Variants in DSCAML1 observed in about 807,000 individuals in gnomAD.
DSCAML1 encodes cell adhesion molecule DSCAML1.
DSCAML1 carries 38 observed loss-of-function variants against 200.5 expected under a neutral mutation model. That is an observed-to-expected ratio of 0.19 (90% CI 0.15 to 0.25). The LOEUF is 0.25. DSCAML1 is among the 10% of genes least tolerant of loss of function. The probability of loss-of-function intolerance (pLI) is 1.00; values close to 1 mark genes in which losing one functional copy is unlikely to be tolerated. For missense variants in DSCAML1, 2,223 were observed against 2,858.8 expected, an observed-to-expected ratio of 0.78 and a Z score of 5.07; for synonymous variants, 1,215 against 1,165.0, an observed-to-expected ratio of 1.04 and a Z score of -0.87.
chr11:117,695,079 G>A (rs138159885), intron 3 of DSCAML1, among the ~76,000 whole-genome samples: 1,574 of 152,194 alleles, frequency 0.01, 14 homozygotes, highest in Middle Eastern at 0.031. Context: ...GACAACAGAA[G>A]CAACACAATA....
intron 1 of DSCAML1, among the ~76,000 whole-genome samples, chr11:117,784,006 C>G (rs1350253417): frequency 6.6e-6 from 1 of 152,164 alleles, no homozygotes; most frequent in Non-Finnish European, 1.5e-5. Context: ...TTGCTGGAGC[C>G]AAGGACACAA....
At chr11:117,541,920 G>A (rs1191537189) in intron 3 of DSCAML1, among the ~76,000 whole-genome samples, 2 of 152,190 alleles carry the variant, frequency 1.3e-5, no homozygotes, top group African/African-American at 2.4e-5. Flanking sequence ...CCCCCAGCCC[G>A]AAGAGGGACT....
chr11:117,623,216 CT>C (rs56343852), intron 3 of DSCAML1, among the ~76,000 whole-genome samples: 13,503 of 120,692 alleles, frequency 0.11, 333 homozygotes, highest in African/African-American at 0.13. Context: ...CTTTTCTTTT[CT>C]TTTTTTTTTT....
intron 3 of DSCAML1, among the ~76,000 whole-genome samples, chr11:117,728,040 T>G (rs1455150730): frequency 2.0e-5 from 3 of 152,218 alleles, no homozygotes; most frequent in Non-Finnish European, 4.4e-5. Flanking sequence ...TGCTTAATAC[T>G]AGCAAACTGA....
At chr11:117,799,671 CAGG>C (rs1474931926), upstream of DSCAML1, among the ~76,000 whole-genome samples, 3 of 152,186 alleles carry the variant, frequency 2.0e-5, no homozygotes, top group African/African-American at 4.8e-5. Context: ...TTGGAAACAG[CAGG>C]AGATGAGTCC....
chr11:117,481,021 G>A (rs2048904568), intron 13 of DSCAML1, among the ~76,000 whole-genome samples, 153 bp downstream of exon 13: 1 of 152,206 alleles, frequency 6.6e-6, no homozygotes, highest in Non-Finnish European at 1.5e-5. Flanking sequence ...CTGGGCAGGA[G>A]GGCAGGTGGA....
chr11:117,662,132 T>C (rs1485098934), intron 3 of DSCAML1, among the ~76,000 whole-genome samples: 1 of 152,160 alleles, frequency 6.6e-6, no homozygotes, highest in Non-Finnish European at 1.5e-5. Flanking sequence ...CTGGTCTGTA[T>C]CCAGAAAAAG....
intron 3 of DSCAML1, among the ~76,000 whole-genome samples, chr11:117,597,257 A>G (rs958668941): frequency 3.9e-5 from 6 of 152,184 alleles, no homozygotes; most frequent in African/African-American, 1.4e-4. Context: ...AATCACTAAG[A>G]CAGGAACTGG....
chr11:117,776,187 C>T (rs143520540), intron 3 of DSCAML1, among the ~76,000 whole-genome samples: 1,597 of 152,268 alleles, frequency 0.01, 26 homozygotes, highest in South Asian at 0.037. Flanking sequence ...CTCACAATCA[C>T]GGCAGCTGTG....
intron 3 of DSCAML1, among the ~76,000 whole-genome samples, chr11:117,705,923 G>A (rs529961686): frequency 9.1e-4 from 138 of 152,284 alleles, no homozygotes; most frequent in African/African-American, 3.0e-3. Context: ...CTTGTCCAGC[G>A]CCCTGGGTAG....
intron 3 of DSCAML1, among the ~76,000 whole-genome samples, chr11:117,640,317 C>T (rs1045693266): frequency 4.6e-5 from 7 of 152,208 alleles, no homozygotes; most frequent in Admixed American, 2.0e-4. Flanking sequence ...ATCCTCATGA[C>T]GTGCTGGGAG....
chr11:117,710,438 G>C (rs1166352721), intron 3 of DSCAML1, among the ~76,000 whole-genome samples: 1 of 152,198 alleles, frequency 6.6e-6, no homozygotes, highest in Non-Finnish European at 1.5e-5. Context: ...TATGGACAGT[G>C]GGAAGGAGCT....
chr11:117,468,280 T>C (rs946441766), intron 16 of DSCAML1, among the ~76,000 whole-genome samples: 1 of 150,558 alleles, frequency 6.6e-6, no homozygotes, highest in Non-Finnish European at 1.5e-5. Context: ...TGAATCTTTA[T>C]TTTTCATTAA....
intron 3 of DSCAML1, among the ~76,000 whole-genome samples, 162 bp downstream of exon 3, chr11:117,776,629 T>G (rs1265144238): frequency 7.0e-6 from 1 of 142,594 alleles, no homozygotes; most frequent in African/African-American, 2.5e-5. Flanking sequence ...GACCAAAGAC[T>G]TTTTTTTTTT....
At chr11:117,562,427 T>C (rs2050680228) in intron 3 of DSCAML1, among the ~76,000 whole-genome samples, 1 of 152,232 alleles carries the variant, frequency 6.6e-6, no homozygotes, top group Admixed American at 6.5e-5. Flanking sequence ...CAGATCCCCT[T>C]GGAATCATTT....
chr11:117,776,745 AC>A (rs1188037258), intron 3 of DSCAML1, 45 bp downstream of exon 3: 2 of 1,611,476 alleles, frequency 1.2e-6, no homozygotes, highest in Non-Finnish European at 1.7e-6. Context: ...TCCAGTCCCC[AC>A]AGAGGGAGCA....
At chr11:117,792,491 C>T (rs899384414) in intron 1 of DSCAML1, among the ~76,000 whole-genome samples, 7 of 152,174 alleles carry the variant, frequency 4.6e-5, no homozygotes, top group Non-Finnish European at 8.8e-5. Context: ...TCTGCCCCGC[C>T]ATAACCAACC....
intron 3 of DSCAML1, among the ~76,000 whole-genome samples, chr11:117,773,821 G>C (rs1474401222): frequency 6.6e-6 from 1 of 152,142 alleles, no homozygotes; most frequent in Non-Finnish European, 1.5e-5. Flanking sequence ...GCTGTAGAAT[G>C]ATCTAGAATG....
chr11:117,484,506 A>G (rs1254927947), intron 11 of DSCAML1, among the ~76,000 whole-genome samples: 1 of 152,264 alleles, frequency 6.6e-6, no homozygotes, highest in African/African-American at 2.4e-5. Context: ...ACTAGGATAT[A>G]CAATAAAATG....
Sources: gnomAD v4.1 joint callset for allele counts (sites outside exome capture counted in the v4.1 genomes callset) on GRCh38, gnomAD v4.1.1 for gene constraint, MANE v1.5 for transcripts, NCBI Gene and HGNC (gene_info 2026-07-23, HGNC 2026-07-21) for gene names.